The following TTC27 variants were observed in gnomAD, a reference collection of about 807,000 sequenced individuals.
TTC27 encodes tetratricopeptide repeat domain 27.
TTC27 carries 79 observed loss-of-function variants against 115.9 expected under a neutral mutation model. The ratio of observed to expected loss-of-function variants is 0.68; its 90% CI spans 0.57 to 0.82. The LOEUF (loss-of-function observed/expected upper bound fraction) is 0.82, where lower values mean the gene tolerates loss of function less well. Among genes scored for constraint, TTC27 ranks in the 40% least tolerant of loss-of-function variants. TTC27 has a pLI of 0.00. For synonymous variants in TTC27, 401 were observed against 356.0 expected (o/e 1.13, Z -1.42); for missense variants, 1,054 against 993.1 (o/e 1.06, Z -0.82).
intron 1 of TTC27, among the ~76,000 whole-genome samples, chr2:32,629,300 T>C (rs2063540024): frequency 6.6e-6 from 1 of 150,810 alleles, no homozygotes; most frequent in South Asian, 2.1e-4. Flanking sequence ...TTTGTGTTTT[T>C]AGTAGAGACG....
chr2:32,807,082 A>C (rs1053755781), intron 16 of TTC27, among the ~76,000 whole-genome samples: 2 of 152,056 alleles, frequency 1.3e-5, no homozygotes, highest in African/African-American at 2.4e-5. Context: ...TTTAGTCACC[A>C]CTACCCCCAA....
rs572897122 is a variant in TTC27, at chr2:32,695,800, G to T, written c.1120-7007G>T. 2.7e-5 allele frequency among the ~76,000 whole-genome samples: 4 copies of T among 149,352 alleles called. No individual in the cohort carries two copies. In the East Asian group the frequency reaches 8.0e-4, roughly 30 times the overall value. ...AGTCCCAGCTACTCTGTAGGCTGAG[G>T]CAGGACCATCGCTTGAACCCTTGAA... On this transcript the variant is annotated intron_variant, in intron 9 of 19. Coordinates refer to ENST00000317907, the MANE Select transcript of TTC27 (RefSeq NM_017735.5).
intron 5 of TTC27, among the ~76,000 whole-genome samples, chr2:32,662,197 A>G (rs952040368): frequency 2.0e-5 from 3 of 152,160 alleles, no homozygotes; most frequent in South Asian, 2.1e-4. Flanking sequence ...TTTTGCATCA[A>G]TGTTCATCAG....
intron 12 of TTC27, among the ~76,000 whole-genome samples, chr2:32,741,835 T>C (rs867907936): frequency 6.6e-6 from 1 of 152,160 alleles, no homozygotes; most frequent in Admixed American, 6.5e-5. Context: ...GATGACTGCA[T>C]GTGGCAGAAG....
intron 9 of TTC27, among the ~76,000 whole-genome samples, chr2:32,701,805 T>C (rs985846727): frequency 4.6e-5 from 7 of 151,948 alleles, no homozygotes; most frequent in Non-Finnish European, 1.0e-4. Flanking sequence ...AAAACACTGA[T>C]GCCAGCCTGG....
intron 9 of TTC27, among the ~76,000 whole-genome samples, chr2:32,681,978 A>ATGTGTGTGTG (rs1319189348): frequency 7.3e-6 from 1 of 137,834 alleles, no homozygotes; most frequent in African/African-American, 2.8e-5. Context: ...ATATGTATAT[A>ATGTGTGTGTG]TATGTGTGTG....
At chr2:32,712,100 G>C (rs1330623579) in intron 10 of TTC27, among the ~76,000 whole-genome samples, 1 of 152,210 alleles carries the variant, frequency 6.6e-6, no homozygotes, top group East Asian at 1.9e-4. Flanking sequence ...GGACTACACA[G>C]ACTTACATGG....
At chr2:32,726,229 C>T (rs185880258) in intron 10 of TTC27, among the ~76,000 whole-genome samples, 148 of 152,352 alleles carry the variant, frequency 9.7e-4, no homozygotes, top group African/African-American at 3.5e-3. Context: ...CTGCAGCTGG[C>T]TTGAATTTCT....
chr2:32,665,879 G>A (rs975606670), intron 6 of TTC27, among the ~76,000 whole-genome samples: 3 of 152,068 alleles, frequency 2.0e-5, no homozygotes, highest in Non-Finnish European at 4.4e-5. Context: ...AACAGAGCAG[G>A]ACTCCATCTC....
At chr2:32,729,535 G>T (rs200385487) in intron 10 of TTC27, among the ~76,000 whole-genome samples, 28,686 of 152,064 alleles carry the variant, frequency 0.19, 3,208 homozygotes, top group South Asian at 0.36. Context: ...ATTCTCAAAG[G>T]ACACTGAAAG....
chr2:32,629,591 C>A (rs2063543458), intron 1 of TTC27, among the ~76,000 whole-genome samples: 1 of 129,296 alleles, frequency 7.7e-6, no homozygotes, highest in Non-Finnish European at 1.7e-5. Flanking sequence ...CCTGCCACCA[C>A]GACCAGCTAA....
Position 32,812,542 on chromosome 2 carries a change from C to A in TTC27, c.2235C>A (p.Thr745=), listed in dbSNP as rs964256320. 1.2e-6 allele frequency: 2 copies of A among 1,613,974 alleles called. No individual in the cohort carries two copies. Among genetic ancestry groups the A allele is most frequent in the Non-Finnish European group, 1.7e-6 (2 of 1,179,932 alleles). Residue 745 remains threonine (T), a synonymous_variant, in exon 18 of 20, where the codon ACC becomes ACA. Transcript: ENST00000317907. ...TCTCAAAGGCATACAAGTGTGACAC[C>A]CAGTCCAATTGTTGGGAGAAAGATA... is the stretch of plus-strand genomic sequence containing the variant. The part of the protein sequence containing the change: ...QCLSKAYKCD[T]QSNCWEKDIT...
At position 32,642,354 on chromosome 2, in the gene TTC27, C is replaced by T. The variant is rs746943516; in HGVS notation, c.537+1944C>T. Among the ~76,000 whole-genome samples the T allele has an allele frequency of 2.2e-4, 31 of 139,036 alleles. No homozygotes were observed. The East Asian group carries it at 5.6e-3, about 25-fold the overall frequency. 91.2% of individuals were successfully genotyped at this position (139,036 alleles called of 152,430 possible). A position where few individuals can be genotyped will look rare whatever the true frequency, so the allele number is the denominator to read the frequency against. On this transcript the variant is annotated intron_variant, in intron 4 of 19. Coordinates refer to ENST00000317907, the MANE Select transcript of TTC27 (RefSeq NM_017735.5). Reference sequence around the variant, plus strand: ...GCAACCTCCACCTCACAGGTTCAAGCGATTCTCATGCCTCAGCCTCCTGAG... The same window carrying T: ...GCAACCTCCACCTCACAGGTTCAAGTGATTCTCATGCCTCAGCCTCCTGAG...
chr2:32,665,842 G>A (rs1312322196), intron 6 of TTC27, among the ~76,000 whole-genome samples: 4 of 152,182 alleles, frequency 2.6e-5, no homozygotes, highest in Non-Finnish European at 5.9e-5. Flanking sequence ...AGTGAGCTGA[G>A]ATCGCACCAC....
rs1056700576 is a variant in TTC27 at position 32,672,343 on chromosome 2, G to A, written c.1011G>A (p.Pro337=). The change falls in exon 8 of 20, where the codon CCG becomes CCA. Residue 337 remains proline (P), a synonymous_variant. Coordinates refer to ENST00000317907, the MANE Select transcript of TTC27 (RefSeq NM_017735.5). ...CAGATTGTGAACAGTTCCAGATGCC[G>A]GATCTGTGTGCTGAAGAGATCGCTA... ...KLADCEQFQM[P]DLCAEEIAII... 6 of 1,613,866 alleles carry A rather than the reference G, an allele frequency of 3.7e-6. No individual in the cohort carries two copies. Among genetic ancestry groups the A allele is most frequent in the Admixed American group, 1.7e-5 (1 of 60,016 alleles).
intron 16 of TTC27, among the ~76,000 whole-genome samples, chr2:32,788,198 T>C (rs1490067404): frequency 2.6e-5 from 4 of 152,168 alleles, no homozygotes; most frequent in Non-Finnish European, 5.9e-5. Context: ...TATTCCATCT[T>C]ACAGTTGAAA....
At chr2:32,717,019 T>G (rs1327510516) in intron 10 of TTC27, among the ~76,000 whole-genome samples, 1 of 151,676 alleles carries the variant, frequency 6.6e-6, no homozygotes, top group Non-Finnish European at 1.5e-5. Flanking sequence ...TTTTTTTTTT[T>G]TTTTGAGACA....
At chr2:32,773,487 A>G (rs1383408791) in intron 13 of TTC27, among the ~76,000 whole-genome samples, 1 of 152,174 alleles carries the variant, frequency 6.6e-6, no homozygotes, top group Admixed American at 6.5e-5. Flanking sequence ...ATTGGTGACA[A>G]GGATGGTATT....
At chr2:32,759,538 G>A (rs1669361535) in intron 13 of TTC27, among the ~76,000 whole-genome samples, 1 of 152,102 alleles carries the variant, frequency 6.6e-6, no homozygotes, top group Admixed American at 6.5e-5. Flanking sequence ...GATTAATTGA[G>A]CTCAGGAGTT....
Sources: allele counts gnomAD v4.1 joint callset (sites outside exome capture counted in the v4.1 genomes callset), GRCh38; gene constraint gnomAD v4.1.1; transcripts MANE v1.5; gene names NCBI Gene and HGNC (gene_info 2026-07-23, HGNC 2026-07-21).